DAPK3: variants seen among roughly 807,000 people sequenced by gnomAD.
DAPK3 encodes death associated protein kinase 3.
In DAPK3, 24 loss-of-function variants were observed where a neutral mutation model predicts 30.6. The observed-to-expected ratio is 0.78, with a 90% CI of 0.57 to 1.10. The LOEUF (loss-of-function observed/expected upper bound fraction) is 1.10. Among genes scored for constraint, DAPK3 ranks in the 50% least tolerant of loss-of-function variants. DAPK3 has a pLI of 0.00. For synonymous variants in DAPK3, 341 were observed against 284.0 expected, an observed-to-expected ratio of 1.20 and a Z score of -2.02; for missense variants, 629 against 657.3, an observed-to-expected ratio of 0.96 and a Z score of 0.47.
At chr19:3,960,897 G>T in intron 7 of DAPK3, 112 bp downstream of exon 7, 2 of 1,162,188 alleles carry the variant, frequency 1.7e-6, no homozygotes, top group Non-Finnish European at 1.2e-6. Flanking sequence ...AGCAATGTCT[G>T]ATCCCCAGCC....
In DAPK3 at chr19:3,964,293, G is replaced by A. The variant is rs755968884; in HGVS notation, c.504C>T (p.Ile168=). The part of the protein sequence containing the change: ...KLIDFGIAHK[I]EAGNEFKNIF... ...TGTTCTTGAACTCGTTCCCCGCCTC[G>A]ATCTTGTGCGCGATGCCGAAGTCGA... Residue 168 remains isoleucine, a synonymous_variant, in exon 4 of 9, where the codon ATC becomes ATT. Coordinates refer to ENST00000545797, the MANE Select transcript of DAPK3 (RefSeq NM_001348.3). 2.0e-5 allele frequency: 33 copies of A among 1,613,356 alleles called. No homozygotes were observed. The East Asian group carries it at 4.0e-4, about 20-fold the overall frequency.
chr19:3,969,347 A>G (rs1370731022), intron 2 of DAPK3, among the ~76,000 whole-genome samples: 4 of 151,840 alleles, frequency 2.6e-5, no homozygotes, highest in African/African-American at 9.7e-5. Context: ...GAGTCTTGCT[A>G]TGTTGCCCAG....
intron 1 of DAPK3, among the ~76,000 whole-genome samples, chr19:3,970,323 G>A (rs1054544722): frequency 2.0e-5 from 3 of 152,106 alleles, no homozygotes; most frequent in Non-Finnish European, 4.4e-5. Context: ...GAGTGCAGTG[G>A]TGCAATCATG....
In DAPK3 at chr19:3,961,113, G is replaced by T. The variant is rs750371493; in HGVS notation, c.678C>A (p.Leu226=). 1.7e-5 allele frequency: 27 copies of T among 1,613,218 alleles called. No individual in the cohort carries two copies. In the Middle Eastern group the frequency reaches 8.2e-4, roughly 49 times the overall value. The change falls in exon 7 of 9, where the codon CTC becomes CTA. Residue 226 remains leucine, a synonymous_variant. Coordinates refer to ENST00000545797, the MANE Select transcript of DAPK3 (RefSeq NM_001348.3). ...PFLGETKQET[L]TNISAVNYDF... ...CGTAGTTCACGGCTGAGATGTTGGT[G>T]AGCGTCTCCTGCTTGGTCTCGCCCA...
In DAPK3 at chr19:3,969,857, G is replaced by A. The variant is rs1216014807; in HGVS notation, c.-94-28C>T. The stretch of plus-strand genomic sequence containing the variant: ...GGAGAAGACAGGGAAAGACAGAAGT[G>A]AGGAACTGAGACACCACCCTTTTCT... On this transcript the variant is annotated intron_variant, in intron 1 of 8. Transcript: ENST00000545797. 8.8e-6 allele frequency: 6 copies of A among 678,366 alleles called. No individual in the cohort carries two copies. The East Asian group carries it at 1.3e-4, about 15-fold the overall frequency. The allele number at this position is 678,366 out of a possible 1,614,324, so 42.0% of individuals were successfully genotyped here.
At chr19:3,962,787 CAAAAAAAA>C (rs35117218) in intron 6 of DAPK3, among the ~76,000 whole-genome samples, 8 of 68,068 alleles carry the variant, frequency 1.2e-4, no homozygotes, top group Admixed American at 2.0e-4. Flanking sequence ...AACTCTGTCT[CAAAAAAAA>C]AAAAAAAAAA....
In DAPK3 at chr19:3,961,098, G is replaced by A. The variant is rs375852405; in HGVS notation, c.693C>T (p.Ala231=). 1.4e-5 allele frequency: 23 copies of A among 1,613,640 alleles called. No individual in the cohort carries two copies. Among genetic ancestry groups the A allele is most frequent in the African/African-American group, 9.3e-5 (7 of 74,958 alleles). ...TKQETLTNIS[A]VNYDFDEEYF... is the part of the protein sequence containing the mutation. ...ACTCCTCGTCGAAGTCGTAGTTCAC[G>A]GCTGAGATGTTGGTGAGCGTCTCCT... The change falls in exon 7 of 9, where the codon GCC becomes GCT. Residue 231 remains alanine (A), a synonymous_variant. Coordinates refer to ENST00000545797, the MANE Select transcript of DAPK3 (RefSeq NM_001348.3).
At position 3,959,625 on chromosome 19, in the gene DAPK3, G is replaced by A. The variant is rs1207215208; in HGVS notation, c.841C>T (p.Arg281Trp). The A allele has an allele frequency of 6.3e-7, 1 of 1,579,908 alleles. No homozygotes were observed. The highest frequency in any genetic ancestry group is 8.5e-7 in the Non-Finnish European group (1 of 1,169,704). The change falls in exon 9 of 9, where the codon CGG (arginine) becomes TGG (tryptophan). Residue 281 changes from arginine to tryptophan, a missense_variant. Arg to Trp is a moderately radical substitution (Grantham distance 101, BLOSUM62 -3). Around this residue, in one of 2 missense-constraint regions of DAPK3, gnomAD observed 323 missense variants for 278.8 expected, o/e 1.16. Coordinates refer to ENST00000545797, the MANE Select transcript of DAPK3 (RefSeq NM_001348.3). ...EHSWIKAIRR[R>W]NVRGEDSGRK... is the part of the protein sequence containing the mutation. ...CCGCTGTCCTCACCACGCACGTTCC[G>A]CCGCCGGATCGCCTAGGAAGGAGGG...
rs149596948 is a variant in DAPK3, at chr19:3,964,288, G to A, written c.509C>T (p.Ala170Val). The change falls in exon 4 of 9, where the codon GCG becomes GTG. Residue 170 changes from alanine (A) to valine (V), a missense_variant. Around this residue, in one of 2 missense-constraint regions of DAPK3, gnomAD observed 306 missense variants for 378.5 expected, o/e 0.81. Transcript: ENST00000545797. Reference protein sequence around the residue: ...IDFGIAHKIEAGNEFKNIFGT... With the variant: ...IDFGIAHKIEVGNEFKNIFGT... ...GAAGATGTTCTTGAACTCGTTCCCC[G>A]CCTCGATCTTGTGCGCGATGCCGAA... The A allele has an allele frequency of 3.5e-5, 56 of 1,613,368 alleles. No homozygotes were observed. In the African/African-American group the frequency reaches 6.1e-4, roughly 18 times the overall value.
chr19:3,959,325 G>A lies in DAPK3; in HGVS notation c.1141C>T (p.Leu381=), dbSNP rs1159423920. 1.9e-6 allele frequency: 3 copies of A among 1,592,870 alleles called. No homozygotes were observed. The highest frequency in any genetic ancestry group is 1.7e-6 in the Non-Finnish European group (2 of 1,176,770). The change falls in exon 9 of 9, where the codon CTA becomes TTA. Residue 381 remains leucine (L), a synonymous_variant. Transcript: ENST00000545797. ...TCGGTCTTGAGCAGCTCCTGCCGTA[G>A]CCTCCGCAGGTCCTGGCCCAGGCTG... ...SDSLGQDLRR[L]RQELLKTEAL... is the part of the protein sequence containing the mutation.
intron 6 of DAPK3, chr19:3,961,770 C>T (rs1040776958): frequency 2.8e-5 from 9 of 317,392 alleles, no homozygotes; most frequent in South Asian, 1.6e-4. Flanking sequence ...CTGGAGGCGG[C>T]GAAGGAGCTG....
intron 4 of DAPK3, 32 bp downstream of exon 4, chr19:3,964,212 A>G (rs953521165): frequency 1.0e-5 from 16 of 1,572,122 alleles, no homozygotes; most frequent in Admixed American, 3.5e-5. Flanking sequence ...CACCCTCCCC[A>G]GGCCGGGGCT....
Position 3,959,495 on chromosome 19 carries a change from C to CGCTCGAA in DAPK3, c.964_970dup (p.Arg324LeufsTer255). 1 of 1,556,098 alleles carries CGCTCGAA rather than the reference C, an allele frequency of 6.4e-7. No homozygotes were observed. The highest frequency in any genetic ancestry group is 8.6e-7 in the Non-Finnish European group (1 of 1,158,040). On this transcript the variant is annotated frameshift_variant, in exon 9 of 9. Transcript: ENST00000545797. LOFTEE classifies it low-confidence loss of function (END_TRUNC). Reference sequence around the variant, plus strand: ...CGCCTCCTCCAGCACCTTGGAGAAGCGCTCGAAGTCGGCGTAGCTGTTGTT... The same window carrying CGCTCGAA: ...CGCCTCCTCCAGCACCTTGGAGAAGCGCTCGAAGCTCGAAGTCGGCGTAGCTGTTGTT...
At chr19:3,968,473 A>G (rs1321056151) in intron 2 of DAPK3, among the ~76,000 whole-genome samples, 1 of 152,050 alleles carries the variant, frequency 6.6e-6, no homozygotes. Context: ...AGATAGTGTC[A>G]AGGAAAAAAA....
Position 3,969,711 on chromosome 19 carries a change from C to T in DAPK3, c.25G>A (p.Val9Met). MSTFRQED[V>M]EDHYEMGEEL... ...TCCCCCATCTCATAATGGTCCTCCA[C>T]GTCCTCCTGCCTGAACGTGGACATG... Residue 9 changes from valine (V) to methionine (M), a missense_variant, in exon 2 of 9, where the codon GTG becomes ATG. Physicochemically the swap from Val to Met is conservative, Grantham distance 21. Around this residue, in one of 2 missense-constraint regions of DAPK3, gnomAD observed 306 missense variants for 378.5 expected, o/e 0.81. Transcript: ENST00000545797. 1 of 1,612,296 alleles carries T rather than the reference C, an allele frequency of 6.2e-7. No individual in the cohort carries two copies. Among genetic ancestry groups the T allele is most frequent in the South Asian group, 1.1e-5 (1 of 91,064 alleles).
At position 3,958,689 on chromosome 19, in the gene DAPK3, C is replaced by T. The variant is rs2145325913; in HGVS notation, c.*412G>A. The T allele has an allele frequency of 1.1e-5, 4 of 364,282 alleles. 1 individual carries two copies. The highest frequency in any genetic ancestry group is 7.4e-5 in the East Asian group (1 of 13,520). 22.6% of individuals were successfully genotyped at this position (364,282 alleles called of 1,614,324 possible). ...CACCCTCCCCGTCCCACGACCTCCT[C>T]CTGGGCTAATGGCAGCAACAGGCAG... On this transcript the variant is annotated 3_prime_UTR_variant, in exon 9 of 9. Coordinates refer to ENST00000545797, the MANE Select transcript of DAPK3 (RefSeq NM_001348.3).
chr19:3,964,694 G>GA lies in DAPK3; in HGVS notation c.359dup (p.Lys121GlnfsTer13). ...AGTGAACGCCGTCCAGGATCTGCTT[G>GA]AGGAACTGGGTGGCCTCGTCCTCCG... On this transcript the variant is annotated frameshift_variant, in exon 3 of 9. Transcript: ENST00000545797. LOFTEE classifies it high-confidence loss of function. The GA allele has an allele frequency of 6.2e-7, 1 of 1,610,972 alleles. No homozygotes were observed. Among genetic ancestry groups the GA allele is most frequent in the Non-Finnish European group, 8.5e-7 (1 of 1,178,782 alleles).
At chr19:3,965,193 C>T (rs1381576171) in intron 2 of DAPK3, among the ~76,000 whole-genome samples, 2 of 152,208 alleles carry the variant, frequency 1.3e-5, no homozygotes, top group South Asian at 2.1e-4. Flanking sequence ...CCATCAGACG[C>T]GGCGTTCCCA....
At chr19:3,961,688 T>C (rs1342614887) in intron 6 of DAPK3, 2 of 360,790 alleles carry the variant, frequency 5.5e-6, no homozygotes, top group Admixed American at 7.1e-5. Context: ...AGACGCCTTC[T>C]GCAAAACACC....
Sources: gnomAD v4.1 joint callset for allele counts (sites outside exome capture counted in the v4.1 genomes callset) on GRCh38, gnomAD v4.1.1 for gene constraint, gnomAD v4.1.1 regional missense constraint, MANE v1.5 for transcripts, NCBI Gene and HGNC (gene_info 2026-07-23, HGNC 2026-07-21) for gene names.